The following ITIH5 variants were observed in gnomAD, a reference collection of about 807,000 sequenced individuals.
ITIH5 encodes the protein inter-alpha-trypsin inhibitor heavy chain H5.
A neutral mutation model predicts 77.5 loss-of-function variants in ITIH5; 65 were observed. That is an observed-to-expected ratio of 0.84 (90% CI 0.69 to 1.03). The LOEUF (loss-of-function observed/expected upper bound fraction) is 1.03, where lower values mean the gene tolerates loss of function less well. Ranked by LOEUF, ITIH5 falls within the 50% of genes least tolerant of loss-of-function variation. The pLI, the probability that ITIH5 is intolerant of heterozygous loss-of-function variation, is 0.00. For missense variants in ITIH5, 1,208 were observed against 1,213.1 expected, an observed-to-expected ratio of 1.00 and a Z score of 0.06; for synonymous variants, 525 against 494.3, an observed-to-expected ratio of 1.06 and a Z score of -0.82.
chr10:7,613,042 C>G (rs981877302), intron 7 of ITIH5, among the ~76,000 whole-genome samples: 1 of 152,076 alleles, frequency 6.6e-6, no homozygotes. Flanking sequence ...GTTAGGAGTT[C>G]GAGACCAGCC....
At position 7,579,757 on chromosome 10, in the gene ITIH5, G is replaced by A. The variant is rs910753360; in HGVS notation, c.1416C>T (p.Ile472=). ...HEEEDAGSQL[I]GFYDEIRTPL... ...GCCTACGAAGACAGACCACAGACCC[G>A]ATGAGCTGCGAGCCTGCGTCCTCCT... Residue 472 remains isoleucine (I), a splice_region_variant and synonymous_variant, in exon 9 of 14, where the codon ATC becomes ATT. Coordinates refer to ENST00000397146, the MANE Select transcript of ITIH5 (RefSeq NM_030569.7). 17 of 1,612,552 alleles carry A rather than the reference G, an allele frequency of 1.1e-5. No individual in the cohort carries two copies. The highest frequency in any genetic ancestry group is 4.5e-5 in the East Asian group (2 of 44,884).
chr10:7,599,689 G>C (rs562770112), intron 7 of ITIH5, among the ~76,000 whole-genome samples: 2 of 152,034 alleles, frequency 1.3e-5, no homozygotes, highest in African/African-American at 2.4e-5. Context: ...CACAAACATC[G>C]AGAACATGAA....
intron 5 of ITIH5, chr10:7,619,283 AACGCACGATC>A (rs1833429806): frequency 6.6e-6 from 1 of 152,532 alleles, no homozygotes; most frequent in African/African-American, 2.4e-5. Context: ...ATCAGCTAAG[AACGCACGATC>A]ATGGTCAGAA....
intron 8 of ITIH5, among the ~76,000 whole-genome samples, chr10:7,581,742 TTTA>T: frequency 6.8e-6 from 1 of 146,158 alleles, no homozygotes; most frequent in Admixed American, 6.8e-5. Flanking sequence ...TTTTTTTTTT[TTTA>T]GAGACAGGGT....
chr10:7,666,473 A>G (rs2131125004), intron 1 of ITIH5, among the ~76,000 whole-genome samples: 1 of 152,214 alleles, frequency 6.6e-6, no homozygotes, highest in African/African-American at 2.4e-5. Context: ...CGTGATAAGG[A>G]AAAAACCTTG....
chr10:7,584,599 C>A (rs1351872701), intron 8 of ITIH5, among the ~76,000 whole-genome samples: 14 of 152,272 alleles, frequency 9.2e-5, no homozygotes, highest in Admixed American at 6.5e-4. Flanking sequence ...GCCACCCCAC[C>A]CGGCCCAGCC....
intron 12 of ITIH5, 197 bp downstream of exon 12, chr10:7,569,471 C>A: frequency 2.3e-6 from 1 of 435,960 alleles, no homozygotes; most frequent in Non-Finnish European, 4.1e-6. Flanking sequence ...TGCCCAAGGT[C>A]ACACGGCACT....
At chr10:7,651,297 A>T (rs1242402288) in intron 2 of ITIH5, among the ~76,000 whole-genome samples, 1 of 151,966 alleles carries the variant, frequency 6.6e-6, no homozygotes, top group Non-Finnish European at 1.5e-5. Context: ...AAACTCATGC[A>T]CCTCGGCTGG....
intron 5 of ITIH5, among the ~76,000 whole-genome samples, chr10:7,630,766 G>T (rs1833699132): frequency 6.6e-6 from 1 of 151,800 alleles, no homozygotes; most frequent in Non-Finnish European, 1.5e-5. Flanking sequence ...TATTCTGTAG[G>T]TTGTCTTTTT....
chr10:7,633,598 C>T (rs1480899826), intron 5 of ITIH5, among the ~76,000 whole-genome samples: 1 of 151,888 alleles, frequency 6.6e-6, no homozygotes, highest in Non-Finnish European at 1.5e-5. Context: ...AAATATGAGA[C>T]CTTGTCCATA....
At chr10:7,599,868 G>T (rs748722464) in intron 7 of ITIH5, among the ~76,000 whole-genome samples, 3 of 152,170 alleles carry the variant, frequency 2.0e-5, no homozygotes, top group Non-Finnish European at 4.4e-5. Context: ...CACTGTTCCT[G>T]GGTCTCTTTC....
At position 7,579,841 on chromosome 10, in the gene ITIH5, G is replaced by A; in HGVS notation, c.1332C>T (p.Phe444=). Residue 444 remains phenylalanine, a synonymous_variant, in exon 9 of 14, where the codon TTC becomes TTT. Coordinates refer to ENST00000397146, the MANE Select transcript of ITIH5 (RefSeq NM_030569.7). ...CCAGCGACAGTTTCTCCAGCAGCCT[G>A]AAGTCCACGTCGTTGCCGATGCCAA... is the stretch of plus-strand genomic sequence containing the variant. ...FTIGIGNDVD[F]RLLEKLSLEN... The A allele has an allele frequency of 6.2e-7, 1 of 1,614,230 alleles. No individual in the cohort carries two copies. The highest frequency in any genetic ancestry group is 1.3e-5 in the African/African-American group (1 of 75,078).
At chr10:7,578,730 C>G (rs574592820) in intron 9 of ITIH5, 1 of 152,200 alleles carries the variant, frequency 6.6e-6, no homozygotes, top group South Asian at 2.1e-4. Context: ...AAGTAGATAC[C>G]ACATATGCCA....
At chr10:7,651,807 G>C (rs1834105504) in intron 2 of ITIH5, among the ~76,000 whole-genome samples, 1 of 152,018 alleles carries the variant, frequency 6.6e-6, no homozygotes, top group Non-Finnish European at 1.5e-5. Flanking sequence ...CAGGCTCTGA[G>C]ACACACACTG....
At chr10:7,622,463 T>C (rs74119838) in intron 5 of ITIH5, 10 of 152,330 alleles carry the variant, frequency 6.6e-5, no homozygotes, top group African/African-American at 2.4e-4. Context: ...CAATACATAC[T>C]AGCTCCATCC....
chr10:7,592,955 C>A (rs1401821321), intron 7 of ITIH5, among the ~76,000 whole-genome samples: 2 of 152,108 alleles, frequency 1.3e-5, no homozygotes, highest in African/African-American at 4.8e-5. Context: ...CACTGCTGGG[C>A]CCAGAGTGGT....
chr10:7,559,931 A>C lies in ITIH5; in HGVS notation c.*3152T>G, dbSNP rs1050075480. On this transcript the variant is annotated 3_prime_UTR_variant, in exon 14 of 14. Coordinates refer to ENST00000397146, the MANE Select transcript of ITIH5 (RefSeq NM_030569.7). Reference sequence around the variant, plus strand: ...CAGTGGCGTGATCTTGGCTCACTACAAGTTCCGACTGCCTGGTTCAAGCGA... The same window carrying C: ...CAGTGGCGTGATCTTGGCTCACTACCAGTTCCGACTGCCTGGTTCAAGCGA... 2 of 440,076 alleles carry C rather than the reference A, an allele frequency of 4.5e-6. No homozygotes were observed. The highest frequency in any genetic ancestry group is 1.4e-4 in the East Asian group (2 of 13,922). The allele number at this position is 440,076 out of a possible 1,614,324, so 27.3% of individuals were successfully genotyped here. A position where few individuals can be genotyped will look rare whatever the true frequency, so the allele number is the denominator to read the frequency against.
chr10:7,622,048 A>C (rs1026557563), intron 5 of ITIH5: 6 of 152,134 alleles, frequency 3.9e-5, no homozygotes, highest in Admixed American at 6.6e-5. Flanking sequence ...AAGTCTTCTA[A>C]TCCCATCTTC....
At chr10:7,628,858 T>TTGTAGCGTGTGTCCATGC (rs1833642814) in intron 5 of ITIH5, among the ~76,000 whole-genome samples, 1 of 146,358 alleles carries the variant, frequency 6.8e-6, no homozygotes, top group African/African-American at 2.4e-5. Context: ...TGTGTCCCTG[T>TTGTAGCGTGTGTCCATGC]TGTAGCGTGT....
Sources: gnomAD v4.1 joint callset for allele counts (sites outside exome capture counted in the v4.1 genomes callset) on GRCh38, gnomAD v4.1.1 for gene constraint, MANE v1.5 for transcripts, NCBI Gene and HGNC (gene_info 2026-07-23, HGNC 2026-07-21) for gene names.